AGPAT4: variants seen among roughly 807,000 people sequenced by gnomAD.
AGPAT4 encodes the protein 1-acylglycerol-3-phosphate O-acyltransferase 4, also known as 1-acyl-sn-glycerol-3-phosphate acyltransferase delta.
Under a neutral mutation model 48.0 loss-of-function variants are expected in AGPAT4, and 15 were observed. The ratio of observed to expected loss-of-function variants is 0.31; its 90% CI spans 0.21 to 0.48. The LOEUF (loss-of-function observed/expected upper bound fraction) is 0.48. Ranked by LOEUF, AGPAT4 falls within the 20% of genes least tolerant of loss-of-function variation. The probability of loss-of-function intolerance (pLI) is 0.99; values close to 1 mark genes in which losing one functional copy is unlikely to be tolerated. For synonymous variants in AGPAT4, 178 were observed against 198.7 expected (o/e 0.90, Z 0.88); for missense variants, 314 against 482.5 (o/e 0.65, Z 3.27).
rs1781227303 is a variant in AGPAT4, at chr6:161,201,178, G to A, written c.178+30858C>T. Among the ~76,000 whole-genome samples, 1 of 152,176 alleles carries A rather than the reference G, an allele frequency of 6.6e-6. No individual in the cohort carries two copies. The highest frequency in any genetic ancestry group is 1.5e-5 in the Non-Finnish European group (1 of 68,044). ...GGTCCTTTCTGGAGAAAATGAGCTG[G>A]CAGGGGAGTGGGGATTGGAGGCTGT... On this transcript the variant is annotated intron_variant, in intron 2 of 8. Coordinates refer to ENST00000320285, the MANE Select transcript of AGPAT4 (RefSeq NM_020133.3). This position sits in a 1 kb window ranked among gnomAD's most constrained non-coding sequence, Gnocchi z 6.0.
At position 161,231,352 on chromosome 6, in the gene AGPAT4, T is replaced by A. The variant is rs1782116991; in HGVS notation, c.178+684A>T. Among the ~76,000 whole-genome samples the A allele has an allele frequency of 6.6e-6, 1 of 152,050 alleles. No individual in the cohort carries two copies. The highest frequency in any genetic ancestry group is 2.4e-5 in the African/African-American group (1 of 41,340). On this transcript the variant is annotated intron_variant, in intron 2 of 8. Coordinates refer to ENST00000320285, the MANE Select transcript of AGPAT4 (RefSeq NM_020133.3). The surrounding 1 kb of genome is among the most constrained non-coding windows in gnomAD (Gnocchi z 5.3). ...TAGTCATGTATGAAATAACCTAGCA[T>A]AATCAAACATACACGGACACATACA... is the stretch of plus-strand genomic sequence containing the variant.
intron 3 of AGPAT4, among the ~76,000 whole-genome samples, chr6:161,156,052 G>A (rs1779758529): frequency 1.3e-5 from 2 of 152,180 alleles, no homozygotes; most frequent in Admixed American, 1.3e-4. Flanking sequence ...CTGATGACCT[G>A]CTGCTAAATG....
rs994096822 is a variant in AGPAT4 at position 161,253,411 on chromosome 6, T to C, written c.-90+20527A>G. Among the ~76,000 whole-genome samples, 13 of 150,680 alleles carry C rather than the reference T, an allele frequency of 8.6e-5. No homozygotes were observed. The East Asian group carries it at 2.2e-3, about 26-fold the overall frequency. On this transcript the variant is annotated intron_variant, in intron 1 of 8. Transcript: ENST00000320285. ...CTGGGACTACAGGCACCCGCCACCA[T>C]GCCCAGCTAATTTTTTGTATTTTTA...
Position 161,172,665 on chromosome 6 carries a change from T to C in AGPAT4, c.179-6248A>G, listed in dbSNP as rs373517570. Reference sequence around the variant, plus strand: ...TTTTATTTATTATTATTATTATACTTTAAGTTCAAGGGTACATGTGCACAA... The same window carrying C: ...TTTTATTTATTATTATTATTATACTCTAAGTTCAAGGGTACATGTGCACAA... On this transcript the variant is annotated intron_variant, in intron 2 of 8. Coordinates refer to ENST00000320285, the MANE Select transcript of AGPAT4 (RefSeq NM_020133.3). 6.6e-5 allele frequency among the ~76,000 whole-genome samples: 10 copies of C among 152,158 alleles called. No homozygotes were observed. The East Asian group carries it at 7.7e-4, about 12-fold the overall frequency.
At chr6:161,151,335 G>A (rs1018894546) in intron 5 of AGPAT4, among the ~76,000 whole-genome samples, 5 of 152,260 alleles carry the variant, frequency 3.3e-5, no homozygotes, top group African/African-American at 1.2e-4. Context: ...CGTGCCAGAC[G>A]CGCCCGAGAC....
rs1162964169 is a variant in AGPAT4, at chr6:161,229,103, T to G, written c.178+2933A>C. 1.3e-5 allele frequency among the ~76,000 whole-genome samples: 2 copies of G among 152,130 alleles called. No individual in the cohort carries two copies. The highest frequency in any genetic ancestry group is 2.9e-5 in the Non-Finnish European group (2 of 68,020). ...TTACCACGCCAGGGCTGGTAACTGC[T>G]TTGAACTTACTTGGTAACACACCAA... On this transcript the variant is annotated intron_variant, in intron 2 of 8. Transcript: ENST00000320285. The surrounding 1 kb of genome is among the most constrained non-coding windows in gnomAD (Gnocchi z 6.0).
At position 161,253,139 on chromosome 6, in the gene AGPAT4, G is replaced by A. The variant is rs187416257; in HGVS notation, c.-90+20799C>T. ...GAGGCAGGAGAATCTCTTGAACCCC[G>A]GAGGTGGAGGTTGCAGTGAGCCAAG... On this transcript the variant is annotated intron_variant, in intron 1 of 8. Transcript: ENST00000320285. 8.6e-3 allele frequency among the ~76,000 whole-genome samples: 1,304 copies of A among 151,024 alleles called. 18 individuals carry two copies. Among genetic ancestry groups the A allele is most frequent in the African/African-American group, 0.03 (1,240 of 41,196 alleles).
Position 161,196,813 on chromosome 6 carries a change from C to T in AGPAT4, c.179-30396G>A, listed in dbSNP as rs561159127. Among the ~76,000 whole-genome samples, 8 of 143,998 alleles carry T rather than the reference C, an allele frequency of 5.6e-5. No individual in the cohort carries two copies. The highest frequency in any genetic ancestry group is 1.3e-4 in the African/African-American group (5 of 37,526). 94.5% of individuals were successfully genotyped at this position (143,998 alleles called of 152,430 possible). ...AACAGAGAAAGACTCTATCTCCCCCCGCCAAAAAAAAAAAAAAAATGCCAA... is the reference window on the plus strand; with the variant it reads ...AACAGAGAAAGACTCTATCTCCCCCTGCCAAAAAAAAAAAAAAAATGCCAA... On this transcript the variant is annotated intron_variant, in intron 2 of 8. Transcript: ENST00000320285. This position sits in a 1 kb window ranked among gnomAD's most constrained non-coding sequence, Gnocchi z 4.3.
At chr6:161,192,672 A>G (rs922024975) in intron 2 of AGPAT4, among the ~76,000 whole-genome samples, 3 of 152,038 alleles carry the variant, frequency 2.0e-5, no homozygotes, top group Admixed American at 1.3e-4. Flanking sequence ...CTGAAAATTT[A>G]TCTTTAGCAT....
chr6:161,248,964 A>G (rs963834503), intron 1 of AGPAT4, among the ~76,000 whole-genome samples: 2 of 152,194 alleles, frequency 1.3e-5, no homozygotes, highest in Admixed American at 6.5e-5. Context: ...GAACAAAAAC[A>G]GACACATAGA....
At position 161,134,198 on chromosome 6, in the gene AGPAT4, A is replaced by G. The variant is rs1282129139; in HGVS notation, c.*2342T>C. The G allele has an allele frequency of 2.0e-5, 3 of 152,180 alleles. No individual in the cohort carries two copies. Among genetic ancestry groups the G allele is most frequent in the Non-Finnish European group, 4.4e-5 (3 of 68,032 alleles). 9.4% of individuals were successfully genotyped at this position (152,180 alleles called of 1,614,324 possible). A position where few individuals can be genotyped will look rare whatever the true frequency, so the allele number is the denominator to read the frequency against. On this transcript the variant is annotated 3_prime_UTR_variant, in exon 9 of 9. Transcript: ENST00000320285. ...TAAGGCAATTCAAAACTTGGCGCTCACTTAGTTATTTCCTAAGAGATTTCT... is the reference window on the plus strand; with the variant it reads ...TAAGGCAATTCAAAACTTGGCGCTCGCTTAGTTATTTCCTAAGAGATTTCT...
rs1334414797 is a variant in AGPAT4 at position 161,261,795 on chromosome 6, T to C, written c.-90+12143A>G. On this transcript the variant is annotated intron_variant, in intron 1 of 8. Coordinates refer to ENST00000320285, the MANE Select transcript of AGPAT4 (RefSeq NM_020133.3). This position sits in a 1 kb window ranked among gnomAD's most constrained non-coding sequence, Gnocchi z 5.3. Reference sequence around the variant, plus strand: ...CTTTCTTTATGAGTGGACCTTCGGCTTCTGACTGCATTTTCCTAGCACAGA... The same window carrying C: ...CTTTCTTTATGAGTGGACCTTCGGCCTCTGACTGCATTTTCCTAGCACAGA... 6.6e-6 allele frequency among the ~76,000 whole-genome samples: 1 copy of C among 152,220 alleles called. No homozygotes were observed. The highest frequency in any genetic ancestry group is 1.9e-4 in the East Asian group (1 of 5,190).
chr6:161,237,689 T>A (rs6941651), intron 1 of AGPAT4, among the ~76,000 whole-genome samples: 73,443 of 152,032 alleles, frequency 0.48, 19,319 homozygotes, highest in African/African-American at 0.69. Flanking sequence ...CTATCTATTA[T>A]TAGTGGCTAA....
chr6:161,203,511 C>T (rs917399446), intron 2 of AGPAT4, among the ~76,000 whole-genome samples: 9 of 151,788 alleles, frequency 5.9e-5, no homozygotes, highest in African/African-American at 2.2e-4. Context: ...GCCCCGGCCC[C>T]CCAAGAAGCT....
chr6:161,136,041 G>C lies in AGPAT4; in HGVS notation c.*499C>G, dbSNP rs1405096195. ...AAGCCACGGGCAAGGGCAGGATGGA[G>C]GGGCAGCGGTCCATGTCAACATACA... On this transcript the variant is annotated 3_prime_UTR_variant, in exon 9 of 9. Coordinates refer to ENST00000320285, the MANE Select transcript of AGPAT4 (RefSeq NM_020133.3). The C allele has an allele frequency of 6.3e-6, 1 of 158,086 alleles. No homozygotes were observed. Among genetic ancestry groups the C allele is most frequent in the Non-Finnish European group, 1.4e-5 (1 of 71,896 alleles). The allele number at this position is 158,086 out of a possible 1,614,324, so 9.8% of individuals were successfully genotyped here. A position where few individuals can be genotyped will look rare whatever the true frequency, so the allele number is the denominator to read the frequency against.
intron 2 of AGPAT4, among the ~76,000 whole-genome samples, chr6:161,207,456 T>C (rs138979817): frequency 3.5e-4 from 54 of 152,282 alleles, no homozygotes; most frequent in Non-Finnish European, 5.9e-4. Flanking sequence ...TAAAGCTGGG[T>C]GAACACATTT....
chr6:161,202,276 G>C lies in AGPAT4; in HGVS notation c.178+29760C>G, dbSNP rs577867287. Among the ~76,000 whole-genome samples the C allele has an allele frequency of 6.6e-6, 1 of 152,278 alleles. No individual in the cohort carries two copies. The highest frequency in any genetic ancestry group is 1.5e-5 in the Non-Finnish European group (1 of 68,022). ...TCAAGATGTCAGCTGGGGCTTGCCT[G>C]AGGCTGGCAAGGTGGTGCTGGCTAT... On this transcript the variant is annotated intron_variant, in intron 2 of 8. Coordinates refer to ENST00000320285, the MANE Select transcript of AGPAT4 (RefSeq NM_020133.3). The surrounding 1 kb of genome is among the most constrained non-coding windows in gnomAD (Gnocchi z 5.4).
intron 2 of AGPAT4, among the ~76,000 whole-genome samples, chr6:161,174,572 T>G (rs183890904): frequency 8.5e-5 from 13 of 152,314 alleles, no homozygotes; most frequent in South Asian, 8.3e-4. Context: ...TTTCTAAATA[T>G]ACAATCATGT....
In AGPAT4 at chr6:161,149,203, C is replaced by A. The variant is rs1369217503; in HGVS notation, c.751G>T (p.Ala251Ser). The A allele has an allele frequency of 1.2e-6, 2 of 1,612,558 alleles. No homozygotes were observed. The highest frequency in any genetic ancestry group is 1.7e-6 in the Non-Finnish European group (2 of 1,179,774). The change falls in exon 6 of 9, where the codon GCA (alanine) becomes TCA (serine). Residue 251 changes from alanine to serine, a missense_variant. Physicochemically the swap from Ala to Ser is moderately conservative, Grantham distance 99 (BLOSUM62 1). Transcript: ENST00000320285. This position sits in a 1 kb window ranked among gnomAD's most constrained non-coding sequence, Gnocchi z 6.5. ...TCGACTTACCTAACATACAAATCTG[C>A]ATGGTATTTCTTTCCGTTTAGGACT... ...LGVLNGKKYH[A>S]DLYVRRIPLE...
Sources: allele counts gnomAD v4.1 joint callset (sites outside exome capture counted in the v4.1 genomes callset), GRCh38; gene constraint gnomAD v4.1.1; non-coding constraint Gnocchi (gnomAD v3.1); transcripts MANE v1.5; gene names NCBI Gene and HGNC (gene_info 2026-07-23, HGNC 2026-07-21).